RERE: variants seen among roughly 807,000 people sequenced by gnomAD.
RERE encodes the protein arginine-glutamic acid dipeptide repeats.
In RERE, 40 loss-of-function variants were observed where a neutral mutation model predicts 146.1. That is an observed-to-expected ratio of 0.27 (90% CI 0.21 to 0.36). The LOEUF (loss-of-function observed/expected upper bound fraction) is 0.36, where lower values mean the gene tolerates loss of function less well. Ranked by LOEUF, RERE falls within the 10% of genes least tolerant of loss-of-function variation. The pLI, the probability that RERE is intolerant of heterozygous loss-of-function variation, is 1.00. For missense variants in RERE, 1,933 were observed against 2,138.7 expected (o/e 0.90, Z 1.90); for synonymous variants, 1,003 against 866.0 (o/e 1.16, Z -2.78).
chr1:8,638,158 ATAT>A (rs1465860849), intron 2 of RERE, among the ~76,000 whole-genome samples: 2 of 152,238 alleles, frequency 1.3e-5, no homozygotes, highest in Non-Finnish European at 2.9e-5. Context: ...AAAACTTGTA[ATAT>A]AGTAATATGT....
At chr1:8,604,669 G>T (rs542394358) in intron 4 of RERE, among the ~76,000 whole-genome samples, 9 of 149,514 alleles carry the variant, frequency 6.0e-5, no homozygotes, top group African/African-American at 2.3e-4. Context: ...AGGAAGGAAG[G>T]AAGGAAGTCC....
intron 7 of RERE, among the ~76,000 whole-genome samples, chr1:8,518,683 T>A (rs1271586425): frequency 6.6e-6 from 1 of 152,226 alleles, no homozygotes; most frequent in Non-Finnish European, 1.5e-5. Context: ...TAGTGCAATA[T>A]GCTGGGTTTC....
chr1:8,521,680 T>C (rs1278651888), intron 7 of RERE, among the ~76,000 whole-genome samples: 2 of 152,066 alleles, frequency 1.3e-5, no homozygotes, highest in African/African-American at 2.4e-5. Context: ...ATGAGAAAAA[T>C]GAAGCTCAGA....
At chr1:8,628,885 G>C (rs1647003846) in intron 2 of RERE, among the ~76,000 whole-genome samples, 1 of 152,116 alleles carries the variant, frequency 6.6e-6, no homozygotes, top group African/African-American at 2.4e-5. Context: ...TAGTCAGTAG[G>C]ATCAATGATT....
At chr1:8,500,125 T>G (rs1170992255) in intron 8 of RERE, among the ~76,000 whole-genome samples, 1 of 152,102 alleles carries the variant, frequency 6.6e-6, no homozygotes, top group Non-Finnish European at 1.5e-5. Flanking sequence ...TGTCTCAAAA[T>G]AATAACAACA....
chr1:8,423,771 G>A lies in RERE; in HGVS notation c.1204-964C>T, dbSNP rs1643956569. 1.2e-6 allele frequency: 1 copy of A among 824,156 alleles called. No individual in the cohort carries two copies. The highest frequency in any genetic ancestry group is 1.5e-6 in the Non-Finnish European group (1 of 685,922). 51.1% of individuals were successfully genotyped at this position (824,156 alleles called of 1,614,324 possible). A position where few individuals can be genotyped will look rare whatever the true frequency, so the allele number is the denominator to read the frequency against. The stretch of plus-strand genomic sequence containing the variant: ...GCGCGGGGCTGGGGCCGCCGCTGAC[G>A]GGGGAGGAGGCAGGAGCGCGGCGCG... On this transcript the variant is annotated intron_variant, in intron 11 of 22. Coordinates refer to ENST00000400908, the MANE Select transcript of RERE (RefSeq NM_001042681.2). The surrounding 1 kb of genome is among the most constrained non-coding windows in gnomAD (Gnocchi z 5.4).
chr1:8,678,397 G>A (rs956546026), intron 1 of RERE, among the ~76,000 whole-genome samples: 1 of 151,800 alleles, frequency 6.6e-6, no homozygotes, highest in Non-Finnish European at 1.5e-5. Context: ...TATAATCCTA[G>A]CATTTTGGGA....
chr1:8,424,992 G>A (rs942697712), intron 11 of RERE: 2 of 152,444 alleles, frequency 1.3e-5, no homozygotes, highest in African/African-American at 4.8e-5. Flanking sequence ...GAGCCCTTCA[G>A]GCCGCACGGA....
chr1:8,610,002 C>T (rs752633180), intron 4 of RERE, among the ~76,000 whole-genome samples: 8 of 152,074 alleles, frequency 5.3e-5, no homozygotes, highest in Non-Finnish European at 1.2e-4. Context: ...CTCCTGAGCT[C>T]AAGTGACCGA....
rs1290616632 is a variant in RERE, at chr1:8,561,843, T to TA, written c.523-4321dup. ...TAGACACAGGTAATTATGTAATTCCTACTACTCACTAGTTGAAGAATTTTG... is the reference window on the plus strand; with the variant it reads ...TAGACACAGGTAATTATGTAATTCCTAACTACTCACTAGTTGAAGAATTTTG... On this transcript the variant is annotated intron_variant, in intron 4 of 22. Coordinates refer to ENST00000400908, the MANE Select transcript of RERE (RefSeq NM_001042681.2). 7.9e-5 allele frequency among the ~76,000 whole-genome samples: 12 copies of TA among 152,242 alleles called. 1 individual carries two copies. The highest frequency in any genetic ancestry group is 5.9e-4 in the Admixed American group (9 of 15,290).
chr1:8,641,228 A>G (rs1051982735), intron 2 of RERE, among the ~76,000 whole-genome samples: 8 of 152,176 alleles, frequency 5.3e-5, no homozygotes, highest in African/African-American at 1.9e-4. Flanking sequence ...CTCAAATACC[A>G]CCATGCCACT....
intron 10 of RERE, among the ~76,000 whole-genome samples, chr1:8,483,191 A>G (rs1013256508): frequency 6.6e-6 from 1 of 152,220 alleles, no homozygotes; most frequent in Non-Finnish European, 1.5e-5. Flanking sequence ...AGAAAACCCA[A>G]CATCTTACCT....
At chr1:8,704,425 A>G (rs2124445277) in intron 1 of RERE, among the ~76,000 whole-genome samples, 1 of 152,344 alleles carries the variant, frequency 6.6e-6, no homozygotes, top group East Asian at 1.9e-4. Flanking sequence ...TACTTCTGGT[A>G]TCTTCACTAT....
chr1:8,500,257 G>GT (rs1318546681), intron 8 of RERE, among the ~76,000 whole-genome samples: 1 of 152,134 alleles, frequency 6.6e-6, no homozygotes, highest in Non-Finnish European at 1.5e-5. Flanking sequence ...TCTAATGTCT[G>GT]TTATTAATCG....
chr1:8,384,834 T>C (rs1642583194), intron 12 of RERE, among the ~76,000 whole-genome samples: 1 of 152,232 alleles, frequency 6.6e-6, no homozygotes, highest in Non-Finnish European at 1.5e-5. Flanking sequence ...GGCAGTGGCA[T>C]GTGACCAGCG....
intron 1 of RERE, among the ~76,000 whole-genome samples, chr1:8,715,018 C>T (rs964502738): frequency 1.3e-5 from 2 of 151,736 alleles, no homozygotes; most frequent in African/African-American, 4.8e-5. Flanking sequence ...GGACTACAGG[C>T]GTGCGCTACC....
chr1:8,404,360 G>A (rs1292785089), intron 12 of RERE, among the ~76,000 whole-genome samples: 7 of 152,036 alleles, frequency 4.6e-5, no homozygotes, highest in Admixed American at 4.6e-4. Flanking sequence ...GGAGCTTGCA[G>A]TGAGCCGAGA....
At chr1:8,555,894 C>G (rs1646001511) in intron 6 of RERE, among the ~76,000 whole-genome samples, 1 of 152,176 alleles carries the variant, frequency 6.6e-6, no homozygotes, top group African/African-American at 2.4e-5. Context: ...ATCTCCTCCC[C>G]CTGCCAATGA....
intron 4 of RERE, among the ~76,000 whole-genome samples, chr1:8,577,816 C>G (rs755894952): frequency 6.6e-6 from 1 of 152,054 alleles, no homozygotes; most frequent in East Asian, 1.9e-4. Flanking sequence ...AAAGAGGAGC[C>G]GGGTGCAGTG....
Sources: allele counts gnomAD v4.1 joint callset (sites outside exome capture counted in the v4.1 genomes callset), GRCh38; gene constraint gnomAD v4.1.1; non-coding constraint Gnocchi (gnomAD v3.1); transcripts MANE v1.5; gene names NCBI Gene and HGNC (gene_info 2026-07-23, HGNC 2026-07-21).